Variants in EPHA6 observed in about 807,000 individuals in gnomAD.
The protein encoded by EPHA6 is EPH receptor A6, also known as ephrin type-A receptor 6.
EPHA6 carries 50 observed loss-of-function variants against 112.0 expected under a neutral mutation model. That is an observed-to-expected ratio of 0.45 (90% CI 0.36 to 0.56). The LOEUF is 0.56. Among genes scored for constraint, EPHA6 ranks in the 20% least tolerant of loss-of-function variants. The pLI is 0.00. For missense variants in EPHA6, 1,280 were observed against 1,417.4 expected, an observed-to-expected ratio of 0.90 and a Z score of 1.56; for synonymous variants, 529 against 490.7, an observed-to-expected ratio of 1.08 and a Z score of -1.03.
chr3:97,023,791 A>C (rs1236136306), intron 3 of EPHA6, among the ~76,000 whole-genome samples: 4 of 152,302 alleles, frequency 2.6e-5, no homozygotes, highest in African/African-American at 7.2e-5. Context: ...TCAATTATGC[A>C]TAAAGACAAA....
At chr3:97,367,013 A>G (rs1449897633) in intron 5 of EPHA6, among the ~76,000 whole-genome samples, 6 of 152,174 alleles carry the variant, frequency 3.9e-5, no homozygotes, top group Non-Finnish European at 5.9e-5. Context: ...CTCTTATGAC[A>G]GATGAAGAAA....
At chr3:96,979,859 G>A (rs917266354) in intron 2 of EPHA6, among the ~76,000 whole-genome samples, 2 of 152,198 alleles carry the variant, frequency 1.3e-5, no homozygotes, top group African/African-American at 2.4e-5. Context: ...CTTTTGAGAA[G>A]TGTCTGTTCA....
At chr3:97,329,888 A>T (rs561565444) in intron 5 of EPHA6, among the ~76,000 whole-genome samples, 8,178 of 151,584 alleles carry the variant, frequency 0.054, 628 homozygotes, top group African/African-American at 0.18. Flanking sequence ...ATGAAGTCCT[A>T]GCCCATGCCT....
At chr3:97,648,422 G>C in intron 14 of EPHA6, 2 of 1,478,764 alleles carry the variant, frequency 1.4e-6, no homozygotes, top group Non-Finnish European at 9.0e-7. Flanking sequence ...AGCAGCATGA[G>C]GGGAAGGTAT....
At chr3:96,947,697 T>G (rs2041340493) in intron 2 of EPHA6, among the ~76,000 whole-genome samples, 1 of 152,154 alleles carries the variant, frequency 6.6e-6, no homozygotes, top group African/African-American at 2.4e-5. Context: ...ACAAGGGATG[T>G]GAAGGAGCTC....
intron 2 of EPHA6, among the ~76,000 whole-genome samples, chr3:96,910,054 A>G (rs1408773954): frequency 1.3e-5 from 2 of 152,064 alleles, no homozygotes; most frequent in African/African-American, 4.8e-5. Flanking sequence ...CTGAATGCCA[A>G]TAAAGTCTTT....
At chr3:96,989,664 T>TA (rs2043145984) in intron 3 of EPHA6, among the ~76,000 whole-genome samples, 1 of 151,968 alleles carries the variant, frequency 6.6e-6, no homozygotes, top group East Asian at 1.9e-4. Flanking sequence ...TCAGGAAACT[T>TA]ACAATCATGG....
At chr3:97,249,699 G>T (rs986631802) in intron 5 of EPHA6, among the ~76,000 whole-genome samples, 3 of 152,046 alleles carry the variant, frequency 2.0e-5, no homozygotes, top group African/African-American at 4.8e-5. Context: ...CTTCTTGAGG[G>T]CATGAATGAT....
chr3:97,421,774 C>G (rs1275985768), intron 6 of EPHA6, among the ~76,000 whole-genome samples: 1 of 152,018 alleles, frequency 6.6e-6, no homozygotes, highest in Non-Finnish European at 1.5e-5. Flanking sequence ...GACAGCAAGA[C>G]CAATGTATTG....
Position 97,185,869 on chromosome 3 carries a change from A to G in EPHA6, c.1115-40395A>G, listed in dbSNP as rs370336615. On this transcript the variant is annotated intron_variant, in intron 3 of 17. Transcript: ENST00000389672. The stretch of plus-strand genomic sequence containing the variant: ...AAAATGTGGCACATATACACCATGG[A>G]ATACCATGCAGCCATAAAAAGGATG... 2.0e-5 allele frequency among the ~76,000 whole-genome samples: 3 copies of G among 152,260 alleles called. No individual in the cohort carries two copies. The South Asian group carries it at 6.2e-4, about 32-fold the overall frequency.
intron 3 of EPHA6, among the ~76,000 whole-genome samples, chr3:97,074,730 T>C (rs1399713521): frequency 6.6e-6 from 1 of 152,058 alleles, no homozygotes; most frequent in East Asian, 1.9e-4. Flanking sequence ...ATATTATTGC[T>C]AAGTCAACAA....
At chr3:97,544,590 G>A (rs1026058148) in intron 11 of EPHA6, among the ~76,000 whole-genome samples, 1 of 152,128 alleles carries the variant, frequency 6.6e-6, no homozygotes, top group Non-Finnish European at 1.5e-5. Flanking sequence ...TTGGTATCAG[G>A]ATGATGCTGG....
chr3:97,304,147 G>A (rs111478174), intron 5 of EPHA6, among the ~76,000 whole-genome samples: 1,593 of 152,068 alleles, frequency 0.01, 32 homozygotes, highest in African/African-American at 0.035. Context: ...TTTGGGCTGA[G>A]ACAATGGGGT....
intron 5 of EPHA6, among the ~76,000 whole-genome samples, chr3:97,370,573 C>G (rs1479510483): frequency 6.6e-6 from 1 of 151,970 alleles, no homozygotes; most frequent in African/African-American, 2.4e-5. Flanking sequence ...CAAATAATAA[C>G]AGTATTAGAT....
chr3:97,316,607 GA>G (rs1269094801), intron 5 of EPHA6, among the ~76,000 whole-genome samples: 1 of 151,864 alleles, frequency 6.6e-6, no homozygotes, highest in African/African-American at 2.4e-5. Flanking sequence ...ATATTGGAAT[GA>G]CCTAGCAAAT....
At chr3:97,514,535 C>T (rs959093300) in intron 10 of EPHA6, among the ~76,000 whole-genome samples, 5 of 152,156 alleles carry the variant, frequency 3.3e-5, no homozygotes, top group Non-Finnish European at 5.9e-5. Context: ...ATCCAACCAA[C>T]CACAGCTCCA....
intron 14 of EPHA6, among the ~76,000 whole-genome samples, chr3:97,680,972 A>G (rs2031815133): frequency 6.6e-6 from 1 of 152,180 alleles, no homozygotes; most frequent in Non-Finnish European, 1.5e-5. Context: ...AAATATACAA[A>G]ATTAACATCA....
intron 3 of EPHA6, among the ~76,000 whole-genome samples, chr3:97,136,386 G>C (rs1244863433): frequency 6.6e-6 from 1 of 152,056 alleles, no homozygotes; most frequent in Non-Finnish European, 1.5e-5. Flanking sequence ...AAACTCAACT[G>C]CTATGTTAAA....
intron 1 of EPHA6, among the ~76,000 whole-genome samples, chr3:96,821,204 T>G (rs151134713): frequency 6.9e-4 from 105 of 152,080 alleles, no homozygotes; most frequent in African/African-American, 2.4e-3. Flanking sequence ...CTGATTATTT[T>G]GAGTTACCTT....
Sources: gnomAD v4.1 joint callset for allele counts (sites outside exome capture counted in the v4.1 genomes callset) on GRCh38, gnomAD v4.1.1 for gene constraint, MANE v1.5 for transcripts, NCBI Gene and HGNC (gene_info 2026-07-23, HGNC 2026-07-21) for gene names.